Variants in SH2D3C observed in about 807,000 individuals in gnomAD.
The protein encoded by SH2D3C is SH2 domain-containing protein 3C.
A neutral mutation model predicts 75.2 loss-of-function variants in SH2D3C; 25 were observed. The ratio of observed to expected loss-of-function variants is 0.33; its 90% confidence interval spans 0.24 to 0.46. SH2D3C has a LOEUF of 0.46. SH2D3C is among the 20% of genes least tolerant of loss of function. The pLI is 1.00. For synonymous variants in SH2D3C, 450 were observed against 473.7 expected (o/e 0.95, Z 0.65); for missense variants, 933 against 1,165.3 (o/e 0.80, Z 2.90).
In SH2D3C at chr9:127,741,876, T is replaced by G. The variant is rs140177554; in HGVS notation, c.2000A>C (p.Lys667Thr). The change falls in exon 9 of 12, where the codon AAG becomes ACG. Residue 667 changes from lysine (K) to threonine (T), a missense_variant. By Grantham distance (78) the Lys-to-Thr change is moderately conservative. Coordinates refer to ENST00000314830, the MANE Select transcript of SH2D3C (RefSeq NM_170600.3). ...CAGCTCGGCCGCCAGCTGAATGGTC[T>G]TGTGCAGCAGCGCTGCCCGCTCCTC... The part of the protein sequence containing the change: ...SAEERAALLH[K>T]TIQLAAELRG... 14 of 1,613,268 alleles carry G rather than the reference T, an allele frequency of 8.7e-6. No homozygotes were observed. The highest frequency in any genetic ancestry group is 1.2e-5 in the Non-Finnish European group (14 of 1,180,010).
At chr9:127,755,540 C>A (rs1005806204) in intron 3 of SH2D3C, among the ~76,000 whole-genome samples, 1 of 152,172 alleles carries the variant, frequency 6.6e-6, no homozygotes, top group Admixed American at 6.5e-5. Flanking sequence ...CTGCCTCCCC[C>A]ACTCGCCGCA....
Position 127,774,569 on chromosome 9 carries a change from G to T in SH2D3C, c.38-102C>A. On this transcript the variant is annotated intron_variant, in intron 1 of 11. Coordinates refer to ENST00000314830, the MANE Select transcript of SH2D3C (RefSeq NM_170600.3). The surrounding 1 kb of genome is among the most constrained non-coding windows in gnomAD (Gnocchi z 4.3). ...TTTCACTCGGTGAGGGGCTGAAGAGGGCTGGCGGTTTCCCAGACACCCCTT... is the reference window on the plus strand; with the variant it reads ...TTTCACTCGGTGAGGGGCTGAAGAGTGCTGGCGGTTTCCCAGACACCCCTT... 1.5e-6 allele frequency: 1 copy of T among 685,642 alleles called. No homozygotes were observed. 42.5% of individuals were successfully genotyped at this position (685,642 alleles called of 1,614,324 possible).
intron 2 of SH2D3C, among the ~76,000 whole-genome samples, chr9:127,772,735 G>T (rs983037560): frequency 6.6e-6 from 1 of 152,138 alleles, no homozygotes; most frequent in African/African-American, 2.4e-5. Flanking sequence ...ACATAAGTGT[G>T]CAGCCTCTGG....
intron 2 of SH2D3C, chr9:127,766,995 G>A: frequency 6.5e-7 from 1 of 1,536,132 alleles, no homozygotes; most frequent in South Asian, 1.2e-5. Flanking sequence ...CCCCGTCTCT[G>A]CCAGGACACC....
intron 3 of SH2D3C, among the ~76,000 whole-genome samples, chr9:127,755,736 T>C (rs1301384064): frequency 6.6e-6 from 1 of 152,144 alleles, no homozygotes; most frequent in Non-Finnish European, 1.5e-5. Flanking sequence ...GACAAGACTC[T>C]GGGGGTGCAG....
At chr9:127,752,372 G>A (rs567720629) in intron 3 of SH2D3C, among the ~76,000 whole-genome samples, 3 of 152,132 alleles carry the variant, frequency 2.0e-5, no homozygotes, top group African/African-American at 4.8e-5. Context: ...TCATCACTGC[G>A]AGGACATGGG....
At chr9:127,757,679 A>T (rs1238503264) in intron 3 of SH2D3C, among the ~76,000 whole-genome samples, 2 of 144,980 alleles carry the variant, frequency 1.4e-5, no homozygotes, top group African/African-American at 5.0e-5. Context: ...TTTGAGATGG[A>T]GTCTCGCTCC....
chr9:127,773,145 A>T (rs1193967446), intron 2 of SH2D3C, among the ~76,000 whole-genome samples: 1 of 152,112 alleles, frequency 6.6e-6, no homozygotes, highest in Non-Finnish European at 1.5e-5. Flanking sequence ...TTTCAGTGAG[A>T]TACTTGTTTT....
chr9:127,750,158 G>GTTATTATTATTA (rs563771370), intron 4 of SH2D3C, among the ~76,000 whole-genome samples: 3 of 148,678 alleles, frequency 2.0e-5, no homozygotes, highest in African/African-American at 7.5e-5. Flanking sequence ...TATTATTATT[G>GTTATTATTATTA]TTATTATTAT....
chr9:127,754,827 G>A lies in SH2D3C; in HGVS notation c.556-3527C>T, dbSNP rs1418763787. 4.1e-6 allele frequency: 2 copies of A among 489,584 alleles called. No homozygotes were observed. Among genetic ancestry groups the A allele is most frequent in the East Asian group, 1.3e-4 (2 of 15,494 alleles). 30.3% of individuals were successfully genotyped at this position (489,584 alleles called of 1,614,324 possible). A position where few individuals can be genotyped will look rare whatever the true frequency, so the allele number is the denominator to read the frequency against. ...CTCTCTCCCTCCTGCGGAGGAGGCA[G>A]AAACGGACCGGCATCTACCGCAGCC... is the stretch of plus-strand genomic sequence containing the variant. On this transcript the variant is annotated intron_variant, in intron 3 of 11. Transcript: ENST00000314830. This position sits in a 1 kb window ranked among gnomAD's most constrained non-coding sequence, Gnocchi z 4.4.
rs1290664312 is a variant in SH2D3C at position 127,765,805 on chromosome 9, T to G, written c.516-4155A>C. 2.0e-5 allele frequency among the ~76,000 whole-genome samples: 3 copies of G among 152,300 alleles called. No homozygotes were observed. The East Asian group carries it at 5.8e-4, about 29-fold the overall frequency. On this transcript the variant is annotated intron_variant, in intron 2 of 11. Transcript: ENST00000314830. ...TCAGCTCCACTAATTAATTTATTTA[T>G]TCCTCATTTTACAAACCTAAAAGAG...
intron 2 of SH2D3C, chr9:127,767,465 C>T: frequency 3.8e-6 from 1 of 261,228 alleles, no homozygotes; most frequent in Non-Finnish European, 6.0e-6. Context: ...GGGCGGACTC[C>T]CCCAGACATT....
chr9:127,745,639 C>CT (rs890148260), intron 6 of SH2D3C, among the ~76,000 whole-genome samples: 2 of 150,304 alleles, frequency 1.3e-5, no homozygotes, highest in Admixed American at 6.7e-5. Context: ...GCCTGGCTAA[C>CT]TTTTTTTTGA....
rs1336195010 is a variant in SH2D3C, at chr9:127,749,887, G to A, written c.685-222C>T. On this transcript the variant is annotated intron_variant, in intron 4 of 11. Coordinates refer to ENST00000314830, the MANE Select transcript of SH2D3C (RefSeq NM_170600.3). The surrounding 1 kb of genome is among the most constrained non-coding windows in gnomAD (Gnocchi z 5.9). ...GAGGCCCTGAGTCTGCAGCACAGAG[G>A]CTCAGGAATGGGAGGACCCAACACC... 6.6e-6 allele frequency among the ~76,000 whole-genome samples: 1 copy of A among 152,104 alleles called. No individual in the cohort carries two copies. The highest frequency in any genetic ancestry group is 1.5e-5 in the Non-Finnish European group (1 of 68,020).
chr9:127,769,951 C>T lies in SH2D3C; in HGVS notation c.515+4039G>A, dbSNP rs563289206. Among the ~76,000 whole-genome samples the T allele has an allele frequency of 5.3e-5, 8 of 152,294 alleles. No individual in the cohort carries two copies. The South Asian group carries it at 1.7e-3, about 32-fold the overall frequency. On this transcript the variant is annotated intron_variant, in intron 2 of 11. Coordinates refer to ENST00000314830, the MANE Select transcript of SH2D3C (RefSeq NM_170600.3). The stretch of plus-strand genomic sequence containing the variant: ...TGCTTGCTGGTTGTCAGCTGGTGAT[C>T]ATGCCTGGTGGGACCCTCGCCTGAC...
At chr9:127,744,468 C>A in intron 7 of SH2D3C, 96 bp downstream of exon 7, 1 of 1,446,058 alleles carries the variant, frequency 6.9e-7, no homozygotes, top group South Asian at 1.3e-5. Flanking sequence ...TCCAGGCCCA[C>A]CTGCTGTACT....
In SH2D3C at chr9:127,749,243, G is replaced by A. The variant is rs201301256; in HGVS notation, c.1107C>T (p.Asp369=). 1.4e-4 allele frequency: 229 copies of A among 1,579,346 alleles called. No homozygotes were observed. The highest frequency in any genetic ancestry group is 8.5e-4 in the Middle Eastern group (5 of 5,870). ...GGCAGCCATCGCTGCGGGTGACCTT[G>A]TCAGCAGTGAGCCCATCGGTCATGG... ...SVTMTDGLTA[D]KVTRSDGCPT... The change falls in exon 5 of 12, where the codon GAC becomes GAT. Residue 369 remains aspartate, a synonymous_variant. Coordinates refer to ENST00000314830, the MANE Select transcript of SH2D3C (RefSeq NM_170600.3). This position sits in a 1 kb window ranked among gnomAD's most constrained non-coding sequence, Gnocchi z 5.9.
At chr9:127,772,981 G>A (rs1338886912) in intron 2 of SH2D3C, among the ~76,000 whole-genome samples, 2 of 151,904 alleles carry the variant, frequency 1.3e-5, no homozygotes, top group South Asian at 2.1e-4. Flanking sequence ...CTACAGGCAC[G>A]CACCACCACG....
At chr9:127,746,174 G>T (rs1431909498) in intron 6 of SH2D3C, among the ~76,000 whole-genome samples, 1 of 152,148 alleles carries the variant, frequency 6.6e-6, no homozygotes, top group Non-Finnish European at 1.5e-5. Flanking sequence ...TATACTCAGG[G>T]TATTGCTTTG....
Sources: allele counts gnomAD v4.1 joint callset (sites outside exome capture counted in the v4.1 genomes callset), GRCh38; gene constraint gnomAD v4.1.1; non-coding constraint Gnocchi (gnomAD v3.1); transcripts MANE v1.5; gene names NCBI Gene and HGNC (gene_info 2026-07-23, HGNC 2026-07-21).